GRID2: variants seen among roughly 807,000 people sequenced by gnomAD.
GRID2 encodes glutamate ionotropic receptor delta type subunit 2, also known as glutamate receptor ionotropic, delta-2.
GRID2 carries 33 observed loss-of-function variants against 114.8 expected under a neutral mutation model. That is an observed-to-expected ratio of 0.29 (90% CI 0.22 to 0.38). GRID2 has a LOEUF of 0.38. Among genes scored for constraint, GRID2 ranks in the 10% least tolerant of loss-of-function variants. The pLI is 1.00. For missense variants in GRID2, 1,184 were observed against 1,257.7 expected, an observed-to-expected ratio of 0.94 and a Z score of 0.89; for synonymous variants, 505 against 449.9, an observed-to-expected ratio of 1.12 and a Z score of -1.55.
At chr4:92,553,684 C>T (rs562101641) in intron 1 of GRID2, among the ~76,000 whole-genome samples, 1 of 151,068 alleles carries the variant, frequency 6.6e-6, no homozygotes, top group African/African-American at 2.4e-5. Context: ...GACAGTCTCT[C>T]TCTGTCGCCC....
At chr4:92,950,374 T>TG (rs1226891889) in intron 2 of GRID2, among the ~76,000 whole-genome samples, 3 of 152,182 alleles carry the variant, frequency 2.0e-5, no homozygotes, top group African/African-American at 7.2e-5. Flanking sequence ...GTGTAAATTA[T>TG]GGAGGATTTA....
At chr4:93,170,556 G>T (rs781197296) in intron 4 of GRID2, among the ~76,000 whole-genome samples, 2 of 151,980 alleles carry the variant, frequency 1.3e-5, no homozygotes, top group Non-Finnish European at 2.9e-5. Flanking sequence ...TTCCTGCTTC[G>T]CCATAATAGC....
At chr4:92,751,465 C>A (rs896109204) in intron 2 of GRID2, among the ~76,000 whole-genome samples, 2 of 151,690 alleles carry the variant, frequency 1.3e-5, no homozygotes, top group African/African-American at 4.8e-5. Flanking sequence ...AGAAATTAGT[C>A]CAAAAAGGCT....
chr4:92,773,099 A>T (rs1038014384), intron 2 of GRID2, among the ~76,000 whole-genome samples: 2 of 152,210 alleles, frequency 1.3e-5, no homozygotes, highest in African/African-American at 4.8e-5. Context: ...TCCATTAGAT[A>T]TGATAAAAAT....
At chr4:92,670,743 T>C (rs1733018440) in intron 2 of GRID2, among the ~76,000 whole-genome samples, 2 of 152,082 alleles carry the variant, frequency 1.3e-5, no homozygotes, top group Non-Finnish European at 2.9e-5. Flanking sequence ...ACTTGCATAA[T>C]ATAAGCATTC....
At chr4:93,337,057 A>T in intron 8 of GRID2, among the ~76,000 whole-genome samples, 1 of 152,254 alleles carries the variant, frequency 6.6e-6, no homozygotes, top group African/African-American at 2.4e-5. Flanking sequence ...AGTACTTTTC[A>T]TGTATCTCAG....
intron 5 of GRID2, among the ~76,000 whole-genome samples, chr4:93,211,128 T>G (rs1743419586): frequency 6.6e-6 from 1 of 152,064 alleles, no homozygotes; most frequent in Non-Finnish European, 1.5e-5. Flanking sequence ...ATTAATTTTT[T>G]TTAATATCCA....
In GRID2 at chr4:93,392,516, A is replaced by G. The variant is rs543598821; in HGVS notation, c.1246-3091A>G. On this transcript the variant is annotated intron_variant, in intron 8 of 15. Coordinates refer to ENST00000282020, the MANE Select transcript of GRID2 (RefSeq NM_001510.4). ...TCATTGCTTATTATTTTAAAAAGTT[A>G]TTATAATCAAACAAAAAAGCTTGAA... 2.0e-5 allele frequency among the ~76,000 whole-genome samples: 3 copies of G among 152,272 alleles called. No individual in the cohort carries two copies. In the East Asian group the frequency reaches 5.8e-4, roughly 29 times the overall value.
At chr4:93,751,266 T>G (rs1732294939) in intron 14 of GRID2, among the ~76,000 whole-genome samples, 1 of 152,218 alleles carries the variant, frequency 6.6e-6, no homozygotes, top group African/African-American at 2.4e-5. Context: ...AGGAGTCAGA[T>G]TCTCATAAAT....
chr4:93,128,380 T>G (rs529117716), intron 4 of GRID2, among the ~76,000 whole-genome samples: 1 of 152,130 alleles, frequency 6.6e-6, no homozygotes, highest in East Asian at 1.9e-4. Flanking sequence ...GAAAGAAATC[T>G]AGGTTGAATA....
chr4:93,514,141 A>T (rs901919551), intron 12 of GRID2, among the ~76,000 whole-genome samples: 2 of 152,064 alleles, frequency 1.3e-5, no homozygotes, highest in African/African-American at 4.8e-5. Context: ...TTTGTTCTTA[A>T]ATGTCAGTCA....
chr4:92,728,969 GT>G (rs1423898633), intron 2 of GRID2, among the ~76,000 whole-genome samples: 1 of 151,758 alleles, frequency 6.6e-6, no homozygotes, highest in Admixed American at 6.6e-5. Context: ...TTTTATTTTT[GT>G]TTTTATTCCA....
At chr4:92,815,983 A>T (rs1220512409) in intron 2 of GRID2, among the ~76,000 whole-genome samples, 1 of 151,216 alleles carries the variant, frequency 6.6e-6, no homozygotes, top group Non-Finnish European at 1.5e-5. Context: ...ACCAAAAAAA[A>T]AACCCCTCAC....
At chr4:92,626,310 T>C (rs1386919358) in intron 2 of GRID2, among the ~76,000 whole-genome samples, 2 of 151,990 alleles carry the variant, frequency 1.3e-5, no homozygotes, top group Admixed American at 6.6e-5. Flanking sequence ...ATATTGTTAA[T>C]GTAAAGCTTT....
intron 13 of GRID2, among the ~76,000 whole-genome samples, chr4:93,556,990 T>A (rs1050808361): frequency 6.6e-6 from 1 of 152,172 alleles, no homozygotes; most frequent in African/African-American, 2.4e-5. Flanking sequence ...CCAGCCAAAC[T>A]AAGCTTCATC....
intron 8 of GRID2, among the ~76,000 whole-genome samples, chr4:93,280,219 C>T (rs1752508306): frequency 6.6e-6 from 1 of 151,946 alleles, no homozygotes. Flanking sequence ...ATATCATAAA[C>T]TGGGCCCTCT....
chr4:93,020,796 G>A (rs1052966890), intron 2 of GRID2, among the ~76,000 whole-genome samples: 1 of 152,106 alleles, frequency 6.6e-6, no homozygotes, highest in Non-Finnish European at 1.5e-5. Context: ...ACTTTGGAAG[G>A]CCGAGGCGGG....
At chr4:93,761,441 C>T (rs1733198885) in intron 14 of GRID2, among the ~76,000 whole-genome samples, 1 of 152,116 alleles carries the variant, frequency 6.6e-6, no homozygotes, top group Middle Eastern at 3.2e-3. Context: ...ACAAATAAAG[C>T]CCACTTGTTT....
chr4:92,617,582 G>A (rs1190768023), intron 2 of GRID2, among the ~76,000 whole-genome samples: 3 of 151,598 alleles, frequency 2.0e-5, no homozygotes, highest in African/African-American at 7.3e-5. Flanking sequence ...AATGTATTGT[G>A]TACCACATTT....
Sources: allele counts gnomAD v4.1 joint callset (sites outside exome capture counted in the v4.1 genomes callset), GRCh38; gene constraint gnomAD v4.1.1; transcripts MANE v1.5; gene names NCBI Gene and HGNC (gene_info 2026-07-23, HGNC 2026-07-21).